The following C12orf54 variants were observed in gnomAD, a reference collection of about 807,000 sequenced individuals.
C12orf54 encodes the protein uncharacterized protein C12orf54.
C12orf54 carries 24 observed loss-of-function variants against 26.4 expected under a neutral mutation model. The ratio of observed to expected loss-of-function variants is 0.91; its 90% CI spans 0.66 to 1.28. C12orf54 has a LOEUF of 1.28. Ranked by LOEUF, C12orf54 falls within the 50% of genes most tolerant of loss-of-function variation. The pLI is 0.00. For synonymous variants in C12orf54, 54 were observed against 47.0 expected, an observed-to-expected ratio of 1.15 and a Z score of -0.61; for missense variants, 154 against 150.9, an observed-to-expected ratio of 1.02 and a Z score of -0.11.
chr12:48,444,824 A>C, the C12orf54 span, among the ~76,000 whole-genome samples: 4 of 152,338 alleles, frequency 2.6e-5, no homozygotes, highest in African/African-American at 9.6e-5. Flanking sequence ...GAGACATACA[A>C]AAGTATCTAG....
At chr12:48,464,154 A>G in the C12orf54 span, among the ~76,000 whole-genome samples, 1 of 152,134 alleles carries the variant, frequency 6.6e-6, no homozygotes. Context: ...TTTGCAGATG[A>G]CATAATCCTA....
upstream of C12orf54, among the ~76,000 whole-genome samples, chr12:48,478,839 T>C (rs1163557889): frequency 6.6e-6 from 1 of 152,164 alleles, no homozygotes. Flanking sequence ...CCAGTTAGAA[T>C]GGCAATCATT....
At chr12:48,479,165 T>C (rs1954173785), upstream of C12orf54, among the ~76,000 whole-genome samples, 3 of 152,202 alleles carry the variant, frequency 2.0e-5, no homozygotes. Context: ...ATATGCACCA[T>C]GGAATACTAT....
upstream of C12orf54, among the ~76,000 whole-genome samples, chr12:48,478,725 C>T (rs916135730): frequency 6.6e-6 from 1 of 152,148 alleles, no homozygotes; most frequent in Admixed American, 6.6e-5. Context: ...AGACACTTCT[C>T]AAAAGAAGAC....
chr12:48,447,212 C>CTGTGTGTATGTGTGTGTGTG, the C12orf54 span, among the ~76,000 whole-genome samples: 30 of 91,070 alleles, frequency 3.3e-4, no homozygotes, highest in Middle Eastern at 5.7e-3. Flanking sequence ...CTCTCTTACT[C>CTGTGTGTATGTGTGTGTGTG]TGTGTGTGTG....
At chr12:48,464,851 C>A in the C12orf54 span, among the ~76,000 whole-genome samples, 2 of 152,020 alleles carry the variant, frequency 1.3e-5, no homozygotes, top group Non-Finnish European at 2.9e-5. Context: ...GGTGCTGGGA[C>A]AACTGGCTAG....
At chr12:48,475,905 G>T in the C12orf54 span, among the ~76,000 whole-genome samples, 4 of 151,944 alleles carry the variant, frequency 2.6e-5, no homozygotes, top group Non-Finnish European at 4.4e-5. Flanking sequence ...ACGCCACAAA[G>T]ATACTCCTCG....
chr12:48,450,350 T>C, the C12orf54 span, among the ~76,000 whole-genome samples: 5 of 152,088 alleles, frequency 3.3e-5, no homozygotes, highest in African/African-American at 4.8e-5. Context: ...AAGAGGGAAA[T>C]GTATAACACT....
upstream of C12orf54, among the ~76,000 whole-genome samples, chr12:48,477,560 G>A (rs1418420539): frequency 6.6e-6 from 1 of 151,976 alleles, no homozygotes; most frequent in African/African-American, 2.4e-5. Flanking sequence ...AATGACAAAG[G>A]GGATATTACC....
At chr12:48,424,459 G>A in the C12orf54 span, among the ~76,000 whole-genome samples, 3 of 151,926 alleles carry the variant, frequency 2.0e-5, no homozygotes, top group African/African-American at 2.4e-5. Flanking sequence ...AAGGCCATCC[G>A]GACCTGGAGT....
At chr12:48,420,779 T>G in the C12orf54 span, among the ~76,000 whole-genome samples, 3 of 152,228 alleles carry the variant, frequency 2.0e-5, no homozygotes, top group African/African-American at 4.8e-5. Flanking sequence ...CTCCCCTGCC[T>G]TTGGTTTCAG....
chr12:48,453,523 G>GTATA, the C12orf54 span, among the ~76,000 whole-genome samples: 1 of 82,538 alleles, frequency 1.2e-5, no homozygotes, highest in Non-Finnish European at 2.3e-5. Context: ...AAATAAATGT[G>GTATA]TATATATATA....
chr12:48,483,159 G>GCTAAGACATCTGTC, intron 1 of C12orf54, 81 bp from the exon 2 acceptor site: 1 of 659,458 alleles, frequency 1.5e-6, no homozygotes. Context: ...TCCATTAACT[G>GCTAAGACATCTGTC]CTGGTAGTTC....
the C12orf54 span, among the ~76,000 whole-genome samples, chr12:48,423,384 C>T: frequency 6.6e-6 from 1 of 152,078 alleles, no homozygotes; most frequent in Non-Finnish European, 1.5e-5. Flanking sequence ...AGATATTTGA[C>T]ATTCCAAGAA....
At chr12:48,437,118 A>G in the C12orf54 span, among the ~76,000 whole-genome samples, 2 of 152,244 alleles carry the variant, frequency 1.3e-5, no homozygotes, top group Admixed American at 1.3e-4. Flanking sequence ...GAGTGCTATA[A>G]ACATCTCTAC....
the C12orf54 span, among the ~76,000 whole-genome samples, chr12:48,418,573 A>C: frequency 6.6e-6 from 1 of 152,332 alleles, no homozygotes; most frequent in African/African-American, 2.4e-5. Context: ...TGTGGCAGAC[A>C]CAAGGATCAG....
upstream of C12orf54, among the ~76,000 whole-genome samples, chr12:48,478,629 G>A (rs1954168341): frequency 6.6e-6 from 1 of 152,102 alleles, no homozygotes; most frequent in African/African-American, 2.4e-5. Flanking sequence ...GCCAAATCAT[G>A]AGTGAACTCC....
At chr12:48,447,212 CTGTGTGTG>C in the C12orf54 span, among the ~76,000 whole-genome samples, 6 of 91,070 alleles carry the variant, frequency 6.6e-5, no homozygotes, top group South Asian at 6.0e-4. Context: ...CTCTCTTACT[CTGTGTGTG>C]TGTGTGTGTG....
At chr12:48,485,303 TTTTG>T (rs1285163807) in intron 2 of C12orf54, among the ~76,000 whole-genome samples, 1 of 152,028 alleles carries the variant, frequency 6.6e-6, no homozygotes, top group Non-Finnish European at 1.5e-5. Context: ...TTTTGTTTTG[TTTTG>T]TTTGTAGAGA....
Sources: gnomAD v4.1 joint callset for allele counts (sites outside exome capture counted in the v4.1 genomes callset) on GRCh38, gnomAD v4.1.1 for gene constraint, MANE v1.5 for transcripts, NCBI Gene and HGNC (gene_info 2026-07-23, HGNC 2026-07-21) for gene names.